The following PAPLN variants were observed in gnomAD, a reference collection of about 807,000 sequenced individuals.
PAPLN encodes the protein papilin.
A neutral mutation model predicts 159.0 loss-of-function variants in PAPLN; 146 were observed. The ratio of observed to expected loss-of-function variants is 0.92; its 90% CI spans 0.80 to 1.05. The LOEUF is 1.05. PAPLN is among the 50% of genes least tolerant of loss of function. PAPLN has a pLI of 0.00. For synonymous variants in PAPLN, 734 were observed against 702.9 expected (o/e 1.04, Z -0.70); for missense variants, 1,720 against 1,743.9 (o/e 0.99, Z 0.24).
intron 20 of PAPLN, 31 bp from the exon 21 acceptor site, chr14:73,264,180 A>G (rs767431987): frequency 1.9e-6 from 3 of 1,612,170 alleles, no homozygotes; most frequent in South Asian, 2.2e-5. Context: ...GGGAGCCCAG[A>G]GCTCATGTCC....
At chr14:73,246,520 A>G (rs1884368251) in intron 5 of PAPLN, among the ~76,000 whole-genome samples, 1 of 149,436 alleles carries the variant, frequency 6.7e-6, no homozygotes, top group Non-Finnish European at 1.5e-5. Flanking sequence ...CCCTCGAGAG[A>G]GAGCAAGAGG....
chr14:73,250,686 C>T (rs1046222787), intron 6 of PAPLN, among the ~76,000 whole-genome samples: 3 of 152,148 alleles, frequency 2.0e-5, no homozygotes, highest in Non-Finnish European at 1.5e-5. Context: ...GGTGGCCCCT[C>T]AAGGAAAACA....
Position 73,273,675 on chromosome 14 carries a change from C to T in PAPLN, c.*1011C>T, listed in dbSNP as rs1453790910. 2 of 152,128 alleles carry T rather than the reference C, an allele frequency of 1.3e-5. No homozygotes were observed. Among genetic ancestry groups the T allele is most frequent in the Non-Finnish European group, 2.9e-5 (2 of 68,034 alleles). The allele number at this position is 152,128 out of a possible 1,614,324, so 9.4% of individuals were successfully genotyped here. A position where few individuals can be genotyped will look rare whatever the true frequency, so the allele number is the denominator to read the frequency against. On this transcript the variant is annotated 3_prime_UTR_variant, in exon 27 of 27. Coordinates refer to ENST00000644200, the MANE Select transcript of PAPLN (RefSeq NM_001365906.3). ...ATGTGTAATGATTTCAAAGTTAACA[C>T]CTGTTTGTTTTCTAAAGGGCATGCC...
intron 18 of PAPLN, 163 bp from the exon 19 acceptor site, chr14:73,262,187 A>C (rs1175072760): frequency 2.8e-6 from 2 of 724,400 alleles, no homozygotes; most frequent in African/African-American, 3.5e-5. Flanking sequence ...ACTCTGGTGG[A>C]AGCATCCTGG....
intron 6 of PAPLN, 79 bp from the exon 7 acceptor site, chr14:73,250,828 G>A (rs1301341328): frequency 8.7e-6 from 13 of 1,490,964 alleles, no homozygotes; most frequent in Admixed American, 2.1e-5. Context: ...CGTGGGTGCT[G>A]GGGTTAGGAT....
chr14:73,268,278 G>A (rs1475858813), intron 25 of PAPLN: 6 of 363,968 alleles, frequency 1.6e-5, no homozygotes, highest in Non-Finnish European at 3.0e-5. Flanking sequence ...CAAATCTGAG[G>A]CCTCCTGCTA....
chr14:73,249,586 A>G (rs1173885904), intron 5 of PAPLN, among the ~76,000 whole-genome samples: 1 of 147,440 alleles, frequency 6.8e-6, no homozygotes, highest in Non-Finnish European at 1.5e-5. Context: ...AGGCAGGAGA[A>G]TTGCTTAAAC....
At chr14:73,240,442 T>A (rs763269595) in intron 2 of PAPLN, among the ~76,000 whole-genome samples, 7 of 152,164 alleles carry the variant, frequency 4.6e-5, no homozygotes, top group Non-Finnish European at 8.8e-5. Context: ...TTAAAATTTT[T>A]AAGTATTTAT....
At chr14:73,238,959 A>T (rs138369212) in intron 1 of PAPLN, among the ~76,000 whole-genome samples, 1 of 152,348 alleles carries the variant, frequency 6.6e-6, no homozygotes, top group Non-Finnish European at 1.5e-5. Flanking sequence ...TCATTCTGCG[A>T]TACAGCGACA....
upstream of PAPLN, among the ~76,000 whole-genome samples, chr14:73,236,111 C>G (rs550450525): frequency 6.6e-6 from 1 of 152,158 alleles, no homozygotes; most frequent in Non-Finnish European, 1.5e-5. Flanking sequence ...CTTCTTCCCC[C>G]CAACCTCCCT....
rs1242318543 is a variant in PAPLN, at chr14:73,259,529, C to A, written c.1969C>A (p.Pro657Thr). ...GPQWQGCPGAPCQQSRYGCCP... is the reference protein window; with the variant it reads ...GPQWQGCPGATCQQSRYGCCP... ...TCAGTGGCAAGGCTGCCCTGGGGCC[C>A]CCTGTCAGCAGAGCAGGTGGGTGCT... Residue 657 changes from proline (P) to threonine (T), a missense_variant, in exon 16 of 27, where the codon CCC (proline) becomes ACC (threonine). By Grantham distance (38) the Pro-to-Thr change is conservative. Transcript: ENST00000644200. The A allele has an allele frequency of 2.5e-6, 4 of 1,581,372 alleles. No homozygotes were observed. The highest frequency in any genetic ancestry group is 3.4e-6 in the Non-Finnish European group (4 of 1,163,106).
rs1423719677 is a variant in PAPLN at position 73,244,656 on chromosome 14, A to G, written c.67A>G (p.Arg23Gly). ...CTGTCTTCTGCAGGCTCCCAAGGTG[A>G]GGCGGCAGAGTGACACCTGGGGACC... ...PAPGSSAPKV[R>G]RQSDTWGPWS... The change falls in exon 3 of 27, where the codon AGG (arginine) becomes GGG (glycine). Residue 23 changes from arginine (R) to glycine (G), a missense_variant. Transcript: ENST00000644200. 2 of 1,583,528 alleles carry G rather than the reference A, an allele frequency of 1.3e-6. No homozygotes were observed. Among genetic ancestry groups the G allele is most frequent in the Non-Finnish European group, 1.7e-6 (2 of 1,165,504 alleles).
Position 73,262,467 on chromosome 14 carries a change from A to G in PAPLN, c.2363A>G (p.His788Arg), listed in dbSNP as rs1315691555. The change falls in exon 19 of 27, where the codon CAT becomes CGT. Residue 788 changes from histidine (H) to arginine (R), a missense_variant. Coordinates refer to ENST00000644200, the MANE Select transcript of PAPLN (RefSeq NM_001365906.3). ...AACCGCTTCTGGTATGGCGGCTGCC[A>G]TGGCAATGCCAATAACTTTGCCTCG... ...QCNRFWYGGCHGNANNFASEQ... is the reference protein window; with the variant it reads ...QCNRFWYGGCRGNANNFASEQ... 3.1e-6 allele frequency: 5 copies of G among 1,610,120 alleles called. No individual in the cohort carries two copies. Among genetic ancestry groups the G allele is most frequent in the East Asian group, 2.2e-5 (1 of 44,704 alleles).
intron 15 of PAPLN, 65 bp downstream of exon 15, chr14:73,259,124 T>C: frequency 6.5e-7 from 1 of 1,543,594 alleles, no homozygotes; most frequent in Non-Finnish European, 8.8e-7. Context: ...GGATGGTACA[T>C]GGGGGTGTGG....
chr14:73,270,253 C>T (rs1031999284), intron 26 of PAPLN, among the ~76,000 whole-genome samples: 1 of 152,244 alleles, frequency 6.6e-6, no homozygotes, highest in Admixed American at 6.5e-5. Context: ...GGCGGCCCCG[C>T]GCTCAGCGCA....
intron 26 of PAPLN, among the ~76,000 whole-genome samples, chr14:73,271,692 G>T (rs1252333896): frequency 6.6e-6 from 1 of 152,020 alleles, no homozygotes; most frequent in East Asian, 1.9e-4. Flanking sequence ...AGTAGAGATG[G>T]GGTTTCACCA....
chr14:73,253,782 T>G lies in PAPLN; in HGVS notation c.1123T>G (p.Ser375Ala), dbSNP rs985737245. 2 of 1,605,238 alleles carry G rather than the reference T, an allele frequency of 1.2e-6. No homozygotes were observed. Among genetic ancestry groups the G allele is most frequent in the Non-Finnish European group, 1.7e-6 (2 of 1,173,502 alleles). ...GAAGGCAGGGCCATGGGCACCCTGC[T>G]CAGCCTCCTGTGGAGGAGGCTCCCA... Reference protein sequence around the residue: ...RWKAGPWAPCSASCGGGSQSR... With the variant: ...RWKAGPWAPCAASCGGGSQSR... The change falls in exon 12 of 27, where the codon TCA (serine) becomes GCA (alanine). Residue 375 changes from serine to alanine, a missense_variant. By Grantham distance (99) the Ser-to-Ala change is moderately conservative. Coordinates refer to ENST00000644200, the MANE Select transcript of PAPLN (RefSeq NM_001365906.3).
At chr14:73,268,519 G>A (rs1461806125) in intron 25 of PAPLN, 38 bp from the exon 26 acceptor site, 1 of 1,586,664 alleles carries the variant, frequency 6.3e-7, no homozygotes. Flanking sequence ...GACCTCCAGA[G>A]GCCCTTGATG....
chr14:73,247,889 CGTGTGTGTGT>C (rs71112721), intron 5 of PAPLN, among the ~76,000 whole-genome samples: 2,275 of 19,780 alleles, frequency 0.12, 140 homozygotes, highest in Middle Eastern at 0.2. Flanking sequence ...TCATATCCTC[CGTGTGTGTGT>C]GTGTGTGTGT....
Sources: allele counts gnomAD v4.1 joint callset (sites outside exome capture counted in the v4.1 genomes callset), GRCh38; gene constraint gnomAD v4.1.1; transcripts MANE v1.5; gene names NCBI Gene and HGNC (gene_info 2026-07-23, HGNC 2026-07-21).